Variants in LRRTM4 observed in about 807,000 individuals in gnomAD.
The protein encoded by LRRTM4 is leucine-rich repeat transmembrane neuronal protein 4.
In LRRTM4, 25 loss-of-function variants were observed where a neutral mutation model predicts 47.6. The observed-to-expected ratio is 0.53, with a 90% CI of 0.38 to 0.73. The LOEUF (loss-of-function observed/expected upper bound fraction) is 0.73, where lower values mean the gene tolerates loss of function less well. Ranked by LOEUF, LRRTM4 falls within the 30% of genes least tolerant of loss-of-function variation. The probability of loss-of-function intolerance (pLI) is 0.00; values close to 1 mark genes in which losing one functional copy is unlikely to be tolerated. For synonymous variants in LRRTM4, 311 were observed against 269.5 expected (o/e 1.15, Z -1.51); for missense variants, 638 against 713.4 (o/e 0.89, Z 1.20).
intron 3 of LRRTM4, among the ~76,000 whole-genome samples, chr2:76,907,171 A>G (rs955522927): frequency 2.0e-5 from 3 of 152,048 alleles, no homozygotes; most frequent in African/African-American, 4.8e-5. Context: ...ATCAAACTAG[A>G]ACTCAGGATT....
intron 3 of LRRTM4, among the ~76,000 whole-genome samples, chr2:77,261,857 G>A (rs1196511020): frequency 6.6e-6 from 1 of 152,046 alleles, no homozygotes; most frequent in Non-Finnish European, 1.5e-5. Context: ...TACAACATGG[G>A]TTCCCAACCC....
intron 3 of LRRTM4, among the ~76,000 whole-genome samples, chr2:77,055,868 G>T (rs1281506520): frequency 2.4e-4 from 37 of 151,796 alleles, no homozygotes; most frequent in African/African-American, 7.3e-4. Context: ...CCATAAAAAA[G>T]GATGAGTTCA....
At chr2:77,034,553 G>A (rs1225226916) in intron 3 of LRRTM4, among the ~76,000 whole-genome samples, 1 of 151,846 alleles carries the variant, frequency 6.6e-6, no homozygotes, top group African/African-American at 2.4e-5. Context: ...AAGCTCTGGG[G>A]AAATCTGGAT....
chr2:77,218,654 A>G (rs1453392755), intron 3 of LRRTM4, among the ~76,000 whole-genome samples: 1 of 152,164 alleles, frequency 6.6e-6, no homozygotes, highest in Non-Finnish European at 1.5e-5. Context: ...ATTTGAAAAC[A>G]CAAGACTATG....
chr2:76,842,554 C>G (rs1158181306), intron 3 of LRRTM4, among the ~76,000 whole-genome samples: 2 of 152,188 alleles, frequency 1.3e-5, no homozygotes, highest in African/African-American at 2.4e-5. Flanking sequence ...GAACATTAGC[C>G]TACTGTTAGG....
At chr2:77,103,664 G>GT (rs1553389690) in intron 3 of LRRTM4, among the ~76,000 whole-genome samples, 1 of 143,736 alleles carries the variant, frequency 7.0e-6, no homozygotes, top group African/African-American at 2.6e-5. Flanking sequence ...TATATATATA[G>GT]ATATATATAT....
intron 3 of LRRTM4, among the ~76,000 whole-genome samples, chr2:76,937,935 AACTT>A (rs1675013576): frequency 6.6e-6 from 1 of 152,150 alleles, no homozygotes; most frequent in South Asian, 2.1e-4. Context: ...ATCAAAGTAT[AACTT>A]ACGAAAAATG....
At chr2:77,198,400 A>G (rs1453422115) in intron 3 of LRRTM4, among the ~76,000 whole-genome samples, 1 of 152,192 alleles carries the variant, frequency 6.6e-6, no homozygotes, top group Admixed American at 6.6e-5. Context: ...AAGATTTCAC[A>G]TTAGACAATG....
At chr2:76,778,767 C>A (rs1170641942) in intron 3 of LRRTM4, among the ~76,000 whole-genome samples, 1 of 150,464 alleles carries the variant, frequency 6.6e-6, no homozygotes, top group Non-Finnish European at 1.5e-5. Context: ...TCCTTCAGTT[C>A]TGCTCTGAGT....
intron 3 of LRRTM4, among the ~76,000 whole-genome samples, chr2:77,241,728 T>G (rs1041498242): frequency 6.6e-6 from 1 of 152,136 alleles, no homozygotes; most frequent in Admixed American, 6.5e-5. Context: ...TTTATTGAGA[T>G]ACATACATCT....
intron 3 of LRRTM4, among the ~76,000 whole-genome samples, chr2:77,498,874 C>A (rs1364627363): frequency 6.6e-6 from 1 of 151,822 alleles, no homozygotes; most frequent in Non-Finnish European, 1.5e-5. Context: ...TTGTTAAATG[C>A]CTGCACACAG....
At chr2:76,956,360 A>G (rs1675675320) in intron 3 of LRRTM4, among the ~76,000 whole-genome samples, 2 of 151,736 alleles carry the variant, frequency 1.3e-5, no homozygotes, top group Admixed American at 1.3e-4. Context: ...AAAGAAGGGA[A>G]AGGTAAGGGG....
intron 3 of LRRTM4, among the ~76,000 whole-genome samples, chr2:77,304,905 T>C (rs898409562): frequency 1.3e-5 from 2 of 152,086 alleles, no homozygotes; most frequent in Non-Finnish European, 1.5e-5. Context: ...TAAAATATTA[T>C]GGTATATTTA....
Position 77,207,866 on chromosome 2 carries a change from C to CTTTTTTTTTTTT in LRRTM4, c.1551+310440_1551+310451dup, listed in dbSNP as rs754540782. On this transcript the variant is annotated intron_variant, in intron 3 of 3. Coordinates refer to ENST00000409884, the MANE Select transcript of LRRTM4 (RefSeq NM_001134745.3). ...ATGAAAGTTGAATAAGGGAAAGTGG[C>CTTTTTTTTTTTT]TTTTTTTTTTTTTTTTTTTTTTTTT... 5.9e-4 allele frequency among the ~76,000 whole-genome samples: 25 copies of CTTTTTTTTTTTT among 42,614 alleles called. 6 individuals are homozygous for CTTTTTTTTTTTT. The highest frequency in any genetic ancestry group is 8.3e-4 in the East Asian group (1 of 1,198). The allele number at this position is 42,614 out of a possible 152,430, so 28.0% of individuals were successfully genotyped here. A position where few individuals can be genotyped will look rare whatever the true frequency, so the allele number is the denominator to read the frequency against.
At chr2:77,177,793 C>A (rs1220171662) in intron 3 of LRRTM4, among the ~76,000 whole-genome samples, 1 of 152,188 alleles carries the variant, frequency 6.6e-6, no homozygotes, top group Non-Finnish European at 1.5e-5. Context: ...GTGAGTACAG[C>A]CCCTCTTCAT....
intron 3 of LRRTM4, among the ~76,000 whole-genome samples, chr2:76,766,645 G>A (rs1326871860): frequency 6.6e-6 from 1 of 152,198 alleles, no homozygotes; most frequent in Non-Finnish European, 1.5e-5. Flanking sequence ...AGGAGAGGTA[G>A]TATTTATTTC....
chr2:77,052,506 T>A (rs1273345587), intron 3 of LRRTM4, among the ~76,000 whole-genome samples: 1 of 151,942 alleles, frequency 6.6e-6, no homozygotes, highest in Non-Finnish European at 1.5e-5. Context: ...ATCAAATATA[T>A]AAAAGTGACC....
At chr2:77,219,568 T>C (rs1674559177) in intron 3 of LRRTM4, among the ~76,000 whole-genome samples, 1 of 152,176 alleles carries the variant, frequency 6.6e-6, no homozygotes, top group African/African-American at 2.4e-5. Flanking sequence ...ATATTTCTCA[T>C]CTCTACAATC....
chr2:77,115,040 A>T (rs896701312), intron 3 of LRRTM4, among the ~76,000 whole-genome samples: 6 of 152,050 alleles, frequency 3.9e-5, no homozygotes, highest in Non-Finnish European at 8.8e-5. Context: ...ACCAGGGCGT[A>T]TTTCAGTACT....
Sources: gnomAD v4.1 joint callset for allele counts (sites outside exome capture counted in the v4.1 genomes callset) on GRCh38, gnomAD v4.1.1 for gene constraint, MANE v1.5 for transcripts, NCBI Gene and HGNC (gene_info 2026-07-23, HGNC 2026-07-21) for gene names.